ARL13A: variants seen among roughly 807,000 people sequenced by gnomAD.
The protein encoded by ARL13A is ADP-ribosylation factor-like protein 13A.
A neutral mutation model predicts 19.1 loss-of-function variants in ARL13A; 16 were observed. The ratio of observed to expected loss-of-function variants is 0.84; its 90% confidence interval spans 0.57 to 1.27. ARL13A has a LOEUF of 1.27. Among genes scored for constraint, ARL13A ranks in the 50% most tolerant of loss-of-function variants. The probability of loss-of-function intolerance (pLI) is 0.00; values close to 1 mark genes in which losing one functional copy is unlikely to be tolerated. For synonymous variants in ARL13A, 69 were observed against 71.3 expected (o/e 0.97, Z 0.17); for missense variants, 153 against 186.4 (o/e 0.82, Z 1.04).
intron 1 of ARL13A, among the ~76,000 whole-genome samples, chrX:100,973,471 C>T (rs767575334): frequency 5.1e-4 from 56 of 109,092 alleles, no homozygotes; most frequent in African/African-American, 1.6e-3. Context: ...CTCCGCTGCC[C>T]GCTGAACTCC....
intron 3 of ARL13A, among the ~76,000 whole-genome samples, chrX:100,982,506 T>A (rs867940141): frequency 2.3e-5 from 2 of 85,881 alleles, no homozygotes; most frequent in African/African-American, 8.2e-5. Flanking sequence ...AATAAATAAA[T>A]AAAATGCTCT....
intron 2 of ARL13A, 135 bp from the exon 3 acceptor site, chrX:100,973,992 C>A: frequency 1.7e-6 from 1 of 578,374 alleles, no homozygotes; most frequent in Non-Finnish European, 2.8e-6. Context: ...ACTGCTTTGG[C>A]TGGGCCTTTT....
chrX:100,987,655 G>A, intron 6 of ARL13A, 99 bp downstream of exon 6: 1 of 974,287 alleles, frequency 1.0e-6, no homozygotes, highest in Non-Finnish European at 1.4e-6. Flanking sequence ...GATCCTGGGT[G>A]GCATTGAGCA....
chrX:100,990,253 T>G, intron 7 of ARL13A: 4 of 701,112 alleles, frequency 5.7e-6, no homozygotes, highest in Non-Finnish European at 6.9e-6. Context: ...CCTCCTACCA[T>G]GAAATGGTCT....
In ARL13A at chrX:100,982,834, C is replaced by T. The variant is rs187607912; in HGVS notation, c.131-2833C>T. ...TGGAATCTGTATCTTAACAAACTCACCAGATGATGCTGAGACACAATCAGG... is the reference window on the plus strand; with the variant it reads ...TGGAATCTGTATCTTAACAAACTCATCAGATGATGCTGAGACACAATCAGG... On this transcript the variant is annotated intron_variant, in intron 3 of 7. Transcript: ENST00000450049. 3.6e-3 allele frequency among the ~76,000 whole-genome samples: 396 copies of T among 109,853 alleles called. 3 individuals carry two copies. Among genetic ancestry groups the T allele is most frequent in the Middle Eastern group, 9.3e-3 (2 of 216 alleles).
chrX:100,977,204 A>G (rs1344127406), intron 3 of ARL13A, among the ~76,000 whole-genome samples: 2 of 110,246 alleles, frequency 1.8e-5, no homozygotes, highest in Admixed American at 1.9e-4. Flanking sequence ...GTACTCCCTC[A>G]CTTACTCTAA....
chrX:100,986,993 G>A, intron 5 of ARL13A, 92 bp downstream of exon 5: 2 of 551,919 alleles, frequency 3.6e-6, no homozygotes, highest in Non-Finnish European at 5.6e-6. Context: ...TGTTGGGTTT[G>A]GGGCAAAGTC....
At position 100,988,242 on chromosome X, in the gene ARL13A, C is replaced by A. The variant is rs868003039; in HGVS notation, c.703C>A (p.Gln235Lys). Residue 235 changes from glutamine to lysine, a missense_variant, in exon 7 of 8, where the codon CAA becomes AAA. Transcript: ENST00000450049. The stretch of plus-strand genomic sequence containing the variant: ...AAAGGAGAAAAGACAGCATCTAGAA[C>A]AATGCTCAATCGAAGCTAAGCCTCT... ...MSKEKRQHLE[Q>K]CSIEAKPLKS... 6 of 1,207,335 alleles carry A rather than the reference C, an allele frequency of 5.0e-6. No homozygotes were observed. In the Admixed American group the frequency reaches 1.3e-4, roughly 27 times the overall value.
intron 3 of ARL13A, among the ~76,000 whole-genome samples, chrX:100,983,318 G>C (rs2085889444): frequency 9.1e-6 from 1 of 110,308 alleles, no homozygotes; most frequent in South Asian, 3.9e-4. Flanking sequence ...AGCTTTTCTC[G>C]ATGCAGGAAA....
rs551147014 is a variant in ARL13A at position 100,981,377 on chromosome X, CA to C, written c.131-4288del. On this transcript the variant is annotated intron_variant, in intron 3 of 7. Transcript: ENST00000450049. ...CACTGAGTTCCAATCCAAAGTCCTACAATCACTGCACTCTCTCTTTCAAGCA... is the reference window on the plus strand; with the variant it reads ...CACTGAGTTCCAATCCAAAGTCCTACATCACTGCACTCTCTCTTTCAAGCA... 7.2e-5 allele frequency among the ~76,000 whole-genome samples: 8 copies of C among 111,528 alleles called. No individual in the cohort carries two copies. The South Asian group carries it at 3.1e-3, about 43-fold the overall frequency.
chrX:100,986,718 C>A, intron 4 of ARL13A, 78 bp from the exon 5 acceptor site: 1 of 630,065 alleles, frequency 1.6e-6, no homozygotes, highest in East Asian at 3.5e-5. Flanking sequence ...CTCCTCTTTC[C>A]CTTCTTTTCT....
In ARL13A at chrX:100,974,366, GTCTC is replaced by G. The variant is rs1035089352; in HGVS notation, c.130+184_130+187del. Reference sequence around the variant, plus strand: ...ACACACACATACTCTATCTCTCTCTGTCTCTCTCTCTCTCTCTCCCCCTTCCCTC... The same window carrying G: ...ACACACACATACTCTATCTCTCTCTGTCTCTCTCTCTCTCCCCCTTCCCTC... On this transcript the variant is annotated intron_variant, in intron 3 of 7. Transcript: ENST00000450049. Among the ~76,000 whole-genome samples, 503 of 103,562 alleles carry G rather than the reference GTCTC, an allele frequency of 4.9e-3. 3 individuals are homozygous for G. The highest frequency in any genetic ancestry group is 0.014 in the African/African-American group (400 of 28,337). 89.9% of individuals were successfully genotyped at this position (103,562 alleles called of 115,157 possible). A position where few individuals can be genotyped will look rare whatever the true frequency, so the allele number is the denominator to read the frequency against.
Position 100,990,554 on chromosome X carries a change from T to C in ARL13A, c.745-8T>C. ...AACCCCTGTTGTTCCTGTATATCTATATTCTAGCCATCAAATCAATCCTAT... is the reference window on the plus strand; with the variant it reads ...AACCCCTGTTGTTCCTGTATATCTACATTCTAGCCATCAAATCAATCCTAT... On this transcript the variant is annotated splice_region_variant and splice_polypyrimidine_tract_variant and intron_variant, in intron 7 of 7. Transcript: ENST00000450049. 1.7e-6 allele frequency: 2 copies of C among 1,145,812 alleles called. No homozygotes were observed. The highest frequency in any genetic ancestry group is 2.3e-6 in the Non-Finnish European group (2 of 863,476). 94.4% of individuals were successfully genotyped at this position (1,145,812 alleles called of 1,213,427 possible). A position where few individuals can be genotyped will look rare whatever the true frequency, so the allele number is the denominator to read the frequency against.
At chrX:100,983,796 C>T (rs1302145674) in intron 3 of ARL13A, among the ~76,000 whole-genome samples, 1 of 111,721 alleles carries the variant, frequency 9.0e-6, no homozygotes, top group Admixed American at 9.6e-5. Context: ...ATGAAAATCA[C>T]ATTTAAACAT....
At chrX:100,989,107 G>A (rs1023879367) in intron 7 of ARL13A, among the ~76,000 whole-genome samples, 2 of 109,842 alleles carry the variant, frequency 1.8e-5, no homozygotes, top group African/African-American at 6.6e-5. Flanking sequence ...ACATTAAAAA[G>A]GCTAATGTGG....
rs1453579608 is a variant in ARL13A at position 100,972,519 on chromosome X, G to A, written c.-14-1157G>A. Among the ~76,000 whole-genome samples the A allele has an allele frequency of 9.4e-5, 8 of 84,938 alleles. No individual in the cohort carries two copies. The East Asian group carries it at 1.2e-3, about 13-fold the overall frequency. The allele number at this position is 84,938 out of a possible 115,157, so 73.8% of individuals were successfully genotyped here. On this transcript the variant is annotated intron_variant, in intron 1 of 7. Transcript: ENST00000450049. ...CCCCCACCTCCCTCCCGGACGGGGC[G>A]GCTGGCCGGGCGGGGGACTGACACC...
At chrX:100,973,489 C>T (rs1393006756) in intron 1 of ARL13A, among the ~76,000 whole-genome samples, 187 bp from the exon 2 acceptor site, 18 of 110,126 alleles carry the variant, frequency 1.6e-4, no homozygotes, top group African/African-American at 5.0e-4. Flanking sequence ...TCCATCCTCC[C>T]GGCGGTCGGG....
chrX:100,974,178 T>TGTGGAGGCATTCCAAAAATGTAAGGAA lies in ARL13A; in HGVS notation c.112_130+8dup. The TGTGGAGGCATTCCAAAAATGTAAGGAA allele has an allele frequency of 8.4e-7, 1 of 1,190,120 alleles. No homozygotes were observed. ...TGAACAACTCTGGCAAAACTGTTCT[T>TGTGGAGGCATTCCAAAAATGTAAGGAA]GTGGAGGCATTCCAAAAATGTAAGG... On this transcript the variant is annotated inframe_insertion, in exon 3 of 8. Transcript: ENST00000450049.
chrX:100,988,205 A>G lies in ARL13A; in HGVS notation c.666A>G (p.Arg222=). 1 of 1,207,581 alleles carries G rather than the reference A, an allele frequency of 8.3e-7. No individual in the cohort carries two copies. The highest frequency in any genetic ancestry group is 1.1e-6 in the Non-Finnish European group (1 of 893,183). The change falls in exon 7 of 8, where the codon AGA becomes AGG. Residue 222 remains arginine, a synonymous_variant. Coordinates refer to ENST00000450049, the MANE Select transcript of ARL13A (RefSeq NM_001162491.2). ...CATCTTCCACCAGCTTCTCCACCAG[A>G]ACAGGAATGTCAAAGGAGAAAAGAC... ...ERCSSHSFST[R]TGMSKEKRQH... is the part of the protein sequence containing the mutation.
Sources: gnomAD v4.1 joint callset for allele counts (sites outside exome capture counted in the v4.1 genomes callset) on GRCh38, gnomAD v4.1.1 for gene constraint, MANE v1.5 for transcripts, NCBI Gene and HGNC (gene_info 2026-07-23, HGNC 2026-07-21) for gene names.